ESRRG: variants seen among roughly 807,000 people sequenced by gnomAD.
ESRRG encodes estrogen related receptor gamma, also known as estrogen-related receptor gamma.
Under a neutral mutation model 44.0 loss-of-function variants are expected in ESRRG, and 13 were observed. The ratio of observed to expected loss-of-function variants is 0.30; its 90% CI spans 0.19 to 0.47. The LOEUF (loss-of-function observed/expected upper bound fraction) is 0.47, where lower values mean the gene tolerates loss of function less well. Among genes scored for constraint, ESRRG ranks in the 20% least tolerant of loss-of-function variants. ESRRG has a pLI of 1.00. For missense variants in ESRRG, 395 were observed against 580.6 expected, an observed-to-expected ratio of 0.68 and a Z score of 3.29; for synonymous variants, 215 against 214.6, an observed-to-expected ratio of 1.00 and a Z score of -0.02.
At chr1:216,713,556 T>A (rs2084118273) in intron 1 of ESRRG, among the ~76,000 whole-genome samples, 1 of 152,094 alleles carries the variant, frequency 6.6e-6, no homozygotes, top group Non-Finnish European at 1.5e-5. Context: ...TCTTCTAACA[T>A]CAGAAATGAT....
intron 2 of ESRRG, among the ~76,000 whole-genome samples, chr1:216,672,138 C>A (rs996116868): frequency 6.6e-6 from 1 of 152,070 alleles, no homozygotes; most frequent in South Asian, 2.1e-4. Context: ...AGAAGAATAA[C>A]AATATCACAT....
At chr1:216,588,846 C>T (rs1002588801) in intron 3 of ESRRG, among the ~76,000 whole-genome samples, 4 of 152,138 alleles carry the variant, frequency 2.6e-5, no homozygotes, top group Non-Finnish European at 5.9e-5. Context: ...ACCCCCAAAA[C>T]AAGCGCTTTG....
At chr1:216,587,675 AT>A (rs1216793132) in intron 3 of ESRRG, among the ~76,000 whole-genome samples, 3 of 152,190 alleles carry the variant, frequency 2.0e-5, no homozygotes, top group African/African-American at 7.2e-5. Context: ...TAAAATTCAC[AT>A]TTTTAAATAA....
intron 6 of ESRRG, among the ~76,000 whole-genome samples, chr1:216,516,527 C>T (rs961818780): frequency 1.3e-5 from 2 of 151,884 alleles, no homozygotes; most frequent in Admixed American, 1.3e-4. Flanking sequence ...TTAATACCTA[C>T]AGCCATGTAG....
At chr1:216,647,619 T>C (rs1212296362) in intron 3 of ESRRG, among the ~76,000 whole-genome samples, 1 of 152,194 alleles carries the variant, frequency 6.6e-6, no homozygotes, top group African/African-American at 2.4e-5. Context: ...ACTGGAATTG[T>C]TTACCTACTA....
At chr1:216,964,772 A>G (rs1490248133) in intron 1 of ESRRG, among the ~76,000 whole-genome samples, 1 of 152,166 alleles carries the variant, frequency 6.6e-6, no homozygotes, top group Non-Finnish European at 1.5e-5. Context: ...TGGCAGAGAA[A>G]TAATAACAAA....
intron 1 of ESRRG, among the ~76,000 whole-genome samples, chr1:217,002,468 T>G (rs956416295): frequency 6.6e-6 from 1 of 152,134 alleles, no homozygotes; most frequent in African/African-American, 2.4e-5. Context: ...GAGTTGATTC[T>G]GACAGTTATC....
At chr1:216,665,342 G>A (rs1286574423) in intron 2 of ESRRG, among the ~76,000 whole-genome samples, 1 of 152,082 alleles carries the variant, frequency 6.6e-6, no homozygotes, top group African/African-American at 2.4e-5. Context: ...CAGATAATGG[G>A]GGACTCCTGT....
intron 3 of ESRRG, among the ~76,000 whole-genome samples, chr1:216,612,163 G>A (rs993304385): frequency 3.3e-5 from 5 of 152,254 alleles, no homozygotes; most frequent in African/African-American, 4.8e-5. Flanking sequence ...CTAAAGTAGC[G>A]GGAAAGGGGA....
intron 2 of ESRRG, among the ~76,000 whole-genome samples, chr1:216,661,741 G>C (rs2072494687): frequency 6.6e-6 from 1 of 152,134 alleles, no homozygotes; most frequent in Admixed American, 6.5e-5. Flanking sequence ...AAGTTTGTCA[G>C]AGAGGAAAAA....
At chr1:216,668,376 A>G (rs1037514757) in intron 2 of ESRRG, among the ~76,000 whole-genome samples, 3 of 152,186 alleles carry the variant, frequency 2.0e-5, no homozygotes, top group African/African-American at 7.2e-5. Context: ...CCAACAGGAA[A>G]ATATACCCTA....
intron 1 of ESRRG, among the ~76,000 whole-genome samples, chr1:216,708,107 T>C (rs1008469039): frequency 2.0e-5 from 3 of 152,196 alleles, no homozygotes; most frequent in African/African-American, 7.2e-5. Flanking sequence ...ATGATTTGAA[T>C]ATTCTTGGTA....
At chr1:216,596,602 T>G (rs998437392) in intron 3 of ESRRG, among the ~76,000 whole-genome samples, 6 of 152,116 alleles carry the variant, frequency 3.9e-5, no homozygotes, top group African/African-American at 1.4e-4. Context: ...CATTAAACAT[T>G]TGCATTCACT....
At chr1:217,075,127 C>T (rs903490741) in intron 1 of ESRRG, among the ~76,000 whole-genome samples, 6 of 152,116 alleles carry the variant, frequency 3.9e-5, no homozygotes, top group East Asian at 1.9e-4. Flanking sequence ...TAGTTTTGAT[C>T]GGTGTTAGGT....
chr1:217,094,897 A>G (rs2092400375), intron 1 of ESRRG, among the ~76,000 whole-genome samples: 1 of 152,238 alleles, frequency 6.6e-6, no homozygotes, highest in South Asian at 2.1e-4. Flanking sequence ...TTTAAAATAG[A>G]AATGTATATC....
intron 2 of ESRRG, among the ~76,000 whole-genome samples, chr1:216,767,112 A>G (rs6656533): frequency 0.024 from 3,672 of 152,188 alleles, 136 homozygotes; most frequent in African/African-American, 0.082. Context: ...CAAGGTCATA[A>G]TAAGTAGTGA....
At chr1:216,533,791 C>T (rs1302138460) in intron 5 of ESRRG, among the ~76,000 whole-genome samples, 1 of 152,130 alleles carries the variant, frequency 6.6e-6, no homozygotes, top group Admixed American at 6.6e-5. Context: ...TCCCATTTTT[C>T]AGCTACTAGC....
upstream of ESRRG, among the ~76,000 whole-genome samples, chr1:216,725,995 T>C (rs949836715): frequency 7.9e-5 from 12 of 152,310 alleles, 1 homozygote; most frequent in Middle Eastern, 3.4e-3. Flanking sequence ...TTTTCTTATT[T>C]CCCTTTGGGT....
intron 2 of ESRRG, among the ~76,000 whole-genome samples, chr1:216,814,844 G>A (rs2095084887): frequency 2.0e-5 from 3 of 152,178 alleles, no homozygotes; most frequent in African/African-American, 7.2e-5. Flanking sequence ...CCCCAAGAAC[G>A]TAAAACTTAT....
Sources: allele counts gnomAD v4.1 joint callset (sites outside exome capture counted in the v4.1 genomes callset), GRCh38; gene constraint gnomAD v4.1.1; transcripts MANE v1.5; gene names NCBI Gene and HGNC (gene_info 2026-07-23, HGNC 2026-07-21).